ANK3: variants seen among roughly 807,000 people sequenced by gnomAD.
The protein encoded by ANK3 is ankyrin 3, also known as ankyrin-3.
Under a neutral mutation model 370.9 loss-of-function variants are expected in ANK3, and 57 were observed. That is an observed-to-expected ratio of 0.15 (90% CI 0.12 to 0.19). The LOEUF (loss-of-function observed/expected upper bound fraction) is 0.19, where lower values mean the gene tolerates loss of function less well. Ranked by LOEUF, ANK3 falls within the 10% of genes least tolerant of loss-of-function variation. ANK3 has a pLI of 1.00. For missense variants in ANK3, 4,439 were observed against 5,302.1 expected, an observed-to-expected ratio of 0.84 and a Z score of 5.06; for synonymous variants, 1,929 against 1,946.3, an observed-to-expected ratio of 0.99 and a Z score of 0.23.
intron 2 of ANK3, among the ~76,000 whole-genome samples, chr10:60,548,196 T>A (rs1473849714): frequency 2.0e-5 from 3 of 148,770 alleles, no homozygotes; most frequent in Admixed American, 6.9e-5. Flanking sequence ...AACCCATTTT[T>A]AAATATTTCC....
At chr10:60,513,438 G>A (rs1319518012) in intron 2 of ANK3, among the ~76,000 whole-genome samples, 2 of 152,084 alleles carry the variant, frequency 1.3e-5, no homozygotes, top group African/African-American at 4.8e-5. Context: ...TACCACTCTA[G>A]GTTGGCAGTG....
rs2096184772 is a variant in ANK3 at position 60,181,470 on chromosome 10, T to A, written c.2086-43A>T. Reference sequence around the variant, plus strand: ...GGCACAGTCATCGTACAGGAAGGAATGTCACACACATAGCCATGTTTGAGA... The same window carrying A: ...GGCACAGTCATCGTACAGGAAGGAAAGTCACACACATAGCCATGTTTGAGA... On this transcript the variant is annotated intron_variant, in intron 17 of 43. Transcript: ENST00000280772. The A allele has an allele frequency of 1.9e-6, 3 of 1,543,496 alleles. No homozygotes were observed. The East Asian group carries it at 6.7e-5, about 35-fold the overall frequency.
At chr10:60,482,380 T>C (rs545567633) in intron 2 of ANK3, among the ~76,000 whole-genome samples, 1 of 152,184 alleles carries the variant, frequency 6.6e-6, no homozygotes, top group Admixed American at 6.5e-5. Flanking sequence ...ACCAAAGATA[T>C]TGCCAGTTTC....
chr10:60,491,245 T>C (rs538980928), intron 2 of ANK3, among the ~76,000 whole-genome samples: 9 of 152,258 alleles, frequency 5.9e-5, no homozygotes, highest in Non-Finnish European at 7.4e-5. Flanking sequence ...ATTTGTATAT[T>C]AGTCTTTTTG....
At chr10:60,668,618 G>A (rs74155656) in intron 1 of ANK3, among the ~76,000 whole-genome samples, 1,653 of 152,268 alleles carry the variant, frequency 0.011, 26 homozygotes, top group African/African-American at 0.038. Flanking sequence ...TCCACTGGGA[G>A]ATGGGAGGAA....
intron 2 of ANK3, among the ~76,000 whole-genome samples, chr10:60,583,096 T>C (rs940214485): frequency 3.9e-5 from 6 of 152,188 alleles, no homozygotes; most frequent in Non-Finnish European, 8.8e-5. Flanking sequence ...ATAGTCAAGA[T>C]ATGGCATCAG....
intron 2 of ANK3, among the ~76,000 whole-genome samples, chr10:60,489,254 C>G (rs1201105857): frequency 6.6e-6 from 1 of 152,172 alleles, no homozygotes. Context: ...TTCCAAAATA[C>G]CAACCCTGAA....
At chr10:60,152,259 CT>C (rs1220110334) in intron 23 of ANK3, among the ~76,000 whole-genome samples, 7 of 152,272 alleles carry the variant, frequency 4.6e-5, no homozygotes, top group Admixed American at 3.3e-4. Context: ...CAAACCCAGC[CT>C]CTTGCCTATT....
At chr10:60,436,110 T>A (rs1285812879) in intron 2 of ANK3, among the ~76,000 whole-genome samples, 5 of 151,348 alleles carry the variant, frequency 3.3e-5, no homozygotes, top group South Asian at 2.1e-4. Context: ...AATAAATAAA[T>A]AAAAAAAATA....
intron 18 of ANK3, among the ~76,000 whole-genome samples, chr10:60,179,616 C>T (rs947022533): frequency 6.6e-6 from 1 of 151,422 alleles, no homozygotes; most frequent in South Asian, 2.1e-4. Context: ...TGCTTGAATC[C>T]GGGAGGTGGA....
At chr10:60,155,768 C>T (rs1423105511) in intron 23 of ANK3, among the ~76,000 whole-genome samples, 1 of 152,192 alleles carries the variant, frequency 6.6e-6, no homozygotes, top group Non-Finnish European at 1.5e-5. Context: ...ACTAGACTGG[C>T]TGAGTCTTCT....
chr10:60,159,989 C>G (rs1269181345), intron 23 of ANK3, among the ~76,000 whole-genome samples: 1 of 151,856 alleles, frequency 6.6e-6, no homozygotes, highest in Non-Finnish European at 1.5e-5. Flanking sequence ...GAATAAACAA[C>G]TGAATGAGGC....
intron 1 of ANK3, among the ~76,000 whole-genome samples, chr10:60,651,956 T>C (rs1203906748): frequency 6.6e-6 from 1 of 152,170 alleles, no homozygotes; most frequent in East Asian, 1.9e-4. Flanking sequence ...TTATAAAATA[T>C]AATTTTAAGA....
intron 1 of ANK3, among the ~76,000 whole-genome samples, chr10:60,632,892 AAAAT>A (rs2078503338): frequency 9.8e-6 from 1 of 102,126 alleles, no homozygotes; most frequent in South Asian, 4.9e-4. Context: ...CAAAAACAAA[AAAAT>A]AAAAAACAAA....
chr10:60,722,992 T>C (rs891154322), intron 1 of ANK3, among the ~76,000 whole-genome samples: 3 of 152,178 alleles, frequency 2.0e-5, no homozygotes, highest in Non-Finnish European at 4.4e-5. Flanking sequence ...TATTCCTGTA[T>C]AGCAACACAA....
At chr10:60,378,509 T>C (rs1395585512) in intron 1 of ANK3, among the ~76,000 whole-genome samples, 1 of 152,082 alleles carries the variant, frequency 6.6e-6, no homozygotes, top group Non-Finnish European at 1.5e-5. Context: ...CATAGACCAA[T>C]GAAGCAGAAT....
In ANK3 at chr10:60,473,249, T is replaced by C. The variant is rs985574447; in HGVS notation, c.96+141937A>G. ...AAGGAAATGCCTAAAAATATGTTAA[T>C]AGTGATTTTTGTCTGAGTGATGGAT... On this transcript the variant is annotated intron_variant, in intron 2 of 43. Coordinates refer to the ANK3 transcript ENST00000373827. Among the ~76,000 whole-genome samples, 6 of 152,216 alleles carry C rather than the reference T, an allele frequency of 3.9e-5. No individual in the cohort carries two copies. The East Asian group carries it at 1.2e-3, about 29-fold the overall frequency.
intron 2 of ANK3, among the ~76,000 whole-genome samples, chr10:60,585,781 T>TG (rs1188868235): frequency 1.3e-5 from 2 of 152,112 alleles, no homozygotes; most frequent in Admixed American, 6.6e-5. Flanking sequence ...CCCAGCACTT[T>TG]GGGGGGCCAA....
rs564851048 is a variant in ANK3, at chr10:60,427,891, A to T, written c.97-148252T>A. ...ACTGAACAGATGAGATTACTCAAGT[A>T]TCTGAGAAGGACACATTTGAGTAAG... On this transcript the variant is annotated intron_variant, in intron 2 of 43. Coordinates refer to the ANK3 transcript ENST00000373827. 7.9e-5 allele frequency among the ~76,000 whole-genome samples: 12 copies of T among 152,264 alleles called. No homozygotes were observed. In the South Asian group the frequency reaches 2.1e-3, roughly 26 times the overall value.
Sources: allele counts gnomAD v4.1 joint callset (sites outside exome capture counted in the v4.1 genomes callset), GRCh38; gene constraint gnomAD v4.1.1; transcripts MANE v1.5; gene names NCBI Gene and HGNC (gene_info 2026-07-23, HGNC 2026-07-21).